ANK3: variants seen among roughly 807,000 people sequenced by gnomAD.
ANK3 encodes ankyrin 3, also known as ankyrin-3.
In ANK3, 57 loss-of-function variants were observed where a neutral mutation model predicts 370.9. That is an observed-to-expected ratio of 0.15 (90% CI 0.12 to 0.19). ANK3 has a LOEUF of 0.19. Ranked by LOEUF, ANK3 falls within the 10% of genes least tolerant of loss-of-function variation. The pLI is 1.00. For missense variants in ANK3, 4,439 were observed against 5,302.1 expected (o/e 0.84, Z 5.06); for synonymous variants, 1,929 against 1,946.3 (o/e 0.99, Z 0.23).
intron 2 of ANK3, among the ~76,000 whole-genome samples, chr10:60,586,097 A>C (rs79512958): frequency 2.0e-5 from 3 of 149,892 alleles, no homozygotes; most frequent in East Asian, 3.9e-4. Context: ...GAAAAAAAAA[A>C]CCTTAGAATT....
chr10:60,062,966 T>G (rs1564705681), intron 40 of ANK3, 145 bp downstream of exon 40: 1 of 733,244 alleles, frequency 1.4e-6, no homozygotes, highest in Non-Finnish European at 2.1e-6. Flanking sequence ...GATATCAGAG[T>G]GTTTATTTGC....
chr10:60,240,038 C>CAT (rs201408020), intron 7 of ANK3, among the ~76,000 whole-genome samples: 1 of 136,006 alleles, frequency 7.4e-6, no homozygotes, highest in Admixed American at 7.5e-5. Flanking sequence ...TATATATACA[C>CAT]ATATATATAC....
intron 1 of ANK3, among the ~76,000 whole-genome samples, chr10:60,702,074 C>A (rs532318502): frequency 5.1e-4 from 78 of 152,120 alleles, no homozygotes; most frequent in Admixed American, 1.1e-3. Flanking sequence ...GCCTGGCCAA[C>A]ATAGTGAGTC....
intron 10 of ANK3, among the ~76,000 whole-genome samples, chr10:60,207,617 A>T (rs1035964880): frequency 6.6e-6 from 1 of 152,236 alleles, no homozygotes; most frequent in African/African-American, 2.4e-5. Flanking sequence ...CAAGGTTAAG[A>T]TATATAAAAT....
rs185897012 is a variant in ANK3 at position 60,409,190 on chromosome 10, C to G, written c.97-129551G>C. Among the ~76,000 whole-genome samples the G allele has an allele frequency of 2.3e-3, 355 of 152,264 alleles. 1 individual carries two copies. The highest frequency in any genetic ancestry group is 8.2e-3 in the African/African-American group (341 of 41,556). Reference sequence around the variant, plus strand: ...GGTTTCATTAAAAAGAAAAAGCCTCCCTTCATGCCACGTATTATCATCTTG... The same window carrying G: ...GGTTTCATTAAAAAGAAAAAGCCTCGCTTCATGCCACGTATTATCATCTTG... On this transcript the variant is annotated intron_variant, in intron 2 of 43. Transcript: ENST00000373827.
intron 1 of ANK3, among the ~76,000 whole-genome samples, chr10:60,696,119 A>G (rs1450833207): frequency 1.3e-5 from 2 of 150,488 alleles, no homozygotes; most frequent in Non-Finnish European, 3.0e-5. Context: ...GAATACTACA[A>G]ACACCTCTAT....
intron 21 of ANK3, among the ~76,000 whole-genome samples, chr10:60,170,905 C>A (rs1044126575): frequency 6.6e-6 from 1 of 151,994 alleles, no homozygotes; most frequent in East Asian, 1.9e-4. Context: ...GTATTTTGAA[C>A]TTTTACATGT....
intron 2 of ANK3, among the ~76,000 whole-genome samples, chr10:60,570,346 T>C (rs2077562352): frequency 6.6e-6 from 1 of 152,156 alleles, no homozygotes; most frequent in South Asian, 2.1e-4. Context: ...TAAGGTGCTG[T>C]GTTCATCCAG....
Position 60,433,487 on chromosome 10 carries a change from G to A in ANK3, c.97-153848C>T, listed in dbSNP as rs2064083362. ...CACAACTATAATCACAGCCATGTTG[G>A]GAGGCTGAGGCATGAGAATCACTTG... On this transcript the variant is annotated intron_variant, in intron 2 of 43. Coordinates refer to the ANK3 transcript ENST00000373827. Among the ~76,000 whole-genome samples the A allele has an allele frequency of 2.6e-5, 4 of 152,262 alleles. No homozygotes were observed. In the South Asian group the frequency reaches 8.3e-4, roughly 32 times the overall value.
chr10:60,339,920 G>T (rs1302783474), intron 1 of ANK3, among the ~76,000 whole-genome samples: 2 of 152,156 alleles, frequency 1.3e-5, no homozygotes, highest in Non-Finnish European at 2.9e-5. Context: ...CTCAAGAAAA[G>T]GTACTGATGA....
At chr10:60,175,814 A>G (rs117079123) in intron 18 of ANK3, among the ~76,000 whole-genome samples, 631 of 152,298 alleles carry the variant, frequency 4.1e-3, no homozygotes, top group Non-Finnish European at 6.7e-3. Flanking sequence ...GTGAATTTGG[A>G]TAAGTTATTG....
chr10:60,137,955 C>T (rs1221647436), intron 24 of ANK3, among the ~76,000 whole-genome samples: 1 of 151,888 alleles, frequency 6.6e-6, no homozygotes. Flanking sequence ...AGTTATTTTT[C>T]CTCTTCCTGT....
chr10:60,075,051 G>T lies in ANK3; in HGVS notation c.5830C>A (p.Pro1944Thr). 1.9e-6 allele frequency: 3 copies of T among 1,613,868 alleles called. No homozygotes were observed. Among genetic ancestry groups the T allele is most frequent in the East Asian group, 4.5e-5 (2 of 44,850 alleles). ...TTTACTTTCTCTACAATTTTGAAAG[G>T]TTCTTCATCATCTATTCTCCCTTCC... ...PKEGRIDDEE[P>T]FKIVEKVKED... Residue 1944 changes from proline (P) to threonine (T), a missense_variant, in exon 37 of 44, where the codon CCT becomes ACT. Around this residue, in one of 13 missense-constraint regions of ANK3, gnomAD observed 679 missense variants for 791.0 expected, o/e 0.86. Transcript: ENST00000280772.
At chr10:60,376,866 T>C (rs1204270220) in intron 1 of ANK3, among the ~76,000 whole-genome samples, 4 of 152,332 alleles carry the variant, frequency 2.6e-5, no homozygotes, top group East Asian at 1.9e-4. Context: ...AGTATTAATA[T>C]ATTAACTGTA....
At chr10:60,526,431 G>A (rs2076473154) in intron 2 of ANK3, among the ~76,000 whole-genome samples, 1 of 152,074 alleles carries the variant, frequency 6.6e-6, no homozygotes, top group Admixed American at 6.6e-5. Flanking sequence ...ATACATTGGA[G>A]TCCCTTTTAT....
At chr10:60,401,777 AT>A (rs201379803) in intron 2 of ANK3, among the ~76,000 whole-genome samples, 1 of 151,918 alleles carries the variant, frequency 6.6e-6, no homozygotes, top group African/African-American at 2.4e-5. Flanking sequence ...ATTGCCTCCA[AT>A]TTTTTTTATG....
chr10:60,536,706 C>G (rs2133208702), intron 2 of ANK3, among the ~76,000 whole-genome samples: 1 of 152,072 alleles, frequency 6.6e-6, no homozygotes, highest in Middle Eastern at 3.4e-3. Context: ...CAAGATGCAT[C>G]CACCCAGTTA....
intron 4 of ANK3, 94 bp downstream of exon 4, chr10:60,278,680 C>T (rs2098122968): frequency 1.0e-6 from 1 of 986,584 alleles, no homozygotes; most frequent in African/African-American, 1.6e-5. Context: ...GTATTCTGTT[C>T]TTAGAGGATA....
At chr10:60,122,772 G>T (rs1201564794) in intron 25 of ANK3, among the ~76,000 whole-genome samples, 1 of 152,154 alleles carries the variant, frequency 6.6e-6, no homozygotes, top group Non-Finnish European at 1.5e-5. Context: ...TAGCTCATTT[G>T]TCACAATCTG....
Sources: allele counts gnomAD v4.1 joint callset (sites outside exome capture counted in the v4.1 genomes callset), GRCh38; gene constraint gnomAD v4.1.1; regional missense constraint gnomAD v4.1.1; transcripts MANE v1.5; gene names NCBI Gene and HGNC (gene_info 2026-07-23, HGNC 2026-07-21).